AKAP6: variants seen among roughly 807,000 people sequenced by gnomAD.
AKAP6 encodes A-kinase anchoring protein 6.
AKAP6 carries 58 observed loss-of-function variants against 188.5 expected under a neutral mutation model. The observed-to-expected ratio is 0.31, with a 90% CI of 0.25 to 0.38. The LOEUF (loss-of-function observed/expected upper bound fraction) is 0.38. AKAP6 is among the 10% of genes least tolerant of loss of function. The pLI is 1.00. For missense variants in AKAP6, 2,710 were observed against 2,740.0 expected (o/e 0.99, Z 0.24); for synonymous variants, 989 against 998.6 (o/e 0.99, Z 0.18).
At position 32,448,962 on chromosome 14, in the gene AKAP6, A is replaced by G. The variant is rs551381379; in HGVS notation, c.324+15145A>G. ...TTGATTCTACAATGTTTAGTAAAAG[A>G]TAGATACCTGGATTCTTGTTTGCAT... On this transcript the variant is annotated intron_variant, in intron 2 of 13. Transcript: ENST00000280979. Among the ~76,000 whole-genome samples the G allele has an allele frequency of 2.6e-5, 4 of 152,312 alleles. No individual in the cohort carries two copies. In the East Asian group the frequency reaches 5.8e-4, roughly 22 times the overall value.
At chr14:32,731,466 C>T (rs146964385) in intron 9 of AKAP6, among the ~76,000 whole-genome samples, 89 of 152,114 alleles carry the variant, frequency 5.9e-4, no homozygotes, top group African/African-American at 1.3e-3. Flanking sequence ...CTTAGGGCAC[C>T]GTTGGTCATG....
At chr14:32,521,476 A>G (rs2139060981) in intron 2 of AKAP6, among the ~76,000 whole-genome samples, 2 of 152,368 alleles carry the variant, frequency 1.3e-5, no homozygotes, top group Middle Eastern at 3.4e-3. Context: ...GCTGATAAGC[A>G]ACTTCAGCAA....
intron 11 of AKAP6, among the ~76,000 whole-genome samples, chr14:32,742,640 G>T (rs1221368171): frequency 6.6e-6 from 1 of 151,878 alleles, no homozygotes. Flanking sequence ...GGTCATTCAG[G>T]AGTGTATTGT....
chr14:32,612,529 AT>A (rs1215014969), intron 7 of AKAP6, among the ~76,000 whole-genome samples: 2 of 151,810 alleles, frequency 1.3e-5, no homozygotes, highest in Admixed American at 6.6e-5. Flanking sequence ...CTTCTCTCCC[AT>A]TTTCTTTGCC....
At position 32,824,285 on chromosome 14, in the gene AKAP6, G is replaced by A; in HGVS notation, c.6472G>A (p.Ala2158Thr). The change falls in exon 13 of 14, where the codon GCC (alanine) becomes ACC (threonine). Residue 2158 changes from alanine to threonine, a missense_variant. Physicochemically the swap from Ala to Thr is moderately conservative, Grantham distance 58. Transcript: ENST00000280979. ...GGAAGATATTGAATGCTTTTTTGAG[G>A]CCTGTGTTGAGGGTGACTCTGATGG... The part of the protein sequence containing the change: ...DKEDIECFFE[A>T]CVEGDSDGEE... 1 of 1,613,828 alleles carries A rather than the reference G, an allele frequency of 6.2e-7. No individual in the cohort carries two copies. Among genetic ancestry groups the A allele is most frequent in the East Asian group, 2.2e-5 (1 of 44,866 alleles).
chr14:32,334,671 G>C (rs1886633702), intron 1 of AKAP6, among the ~76,000 whole-genome samples: 1 of 152,162 alleles, frequency 6.6e-6, no homozygotes, highest in African/African-American at 2.4e-5. Context: ...GGGGGTCTTG[G>C]AACATATTCC....
intron 12 of AKAP6, among the ~76,000 whole-genome samples, chr14:32,782,203 GAGGGAGGA>G (rs1187135845): frequency 1.3e-4 from 18 of 134,912 alleles, no homozygotes; most frequent in African/African-American, 4.6e-4. Flanking sequence ...GGGAGGGAGG[GAGGGAGGA>G]AGGGAAAGAA....
At chr14:32,674,247 A>T (rs1315862672) in intron 7 of AKAP6, among the ~76,000 whole-genome samples, 1 of 152,198 alleles carries the variant, frequency 6.6e-6, no homozygotes, top group Admixed American at 6.5e-5. Context: ...GTCAGCAGGA[A>T]CCAAATATCC....
chr14:32,510,416 A>ATATATATG (rs1881150620), intron 2 of AKAP6, among the ~76,000 whole-genome samples: 1 of 49,364 alleles, frequency 2.0e-5, no homozygotes, highest in Non-Finnish European at 4.2e-5. Flanking sequence ...ATATATATGT[A>ATATATATG]TATATATACA....
chr14:32,522,780 G>T lies in AKAP6; in HGVS notation c.325-12774G>T, dbSNP rs1881911439. Among the ~76,000 whole-genome samples the T allele has an allele frequency of 2.0e-5, 3 of 152,164 alleles. No homozygotes were observed. In the South Asian group the frequency reaches 6.2e-4, roughly 32 times the overall value. ...GTTCAACCGTTGTGGAAGACAGTGT[G>T]GCGATTCCTCGGGGATCTAGAACTA... On this transcript the variant is annotated intron_variant, in intron 2 of 13. Transcript: ENST00000280979.
At chr14:32,414,607 A>G (rs1271146513) in intron 1 of AKAP6, among the ~76,000 whole-genome samples, 1 of 152,156 alleles carries the variant, frequency 6.6e-6, no homozygotes, top group African/African-American at 2.4e-5. Flanking sequence ...TTTTGTTTGC[A>G]TTTGAATGGG....
At chr14:32,445,294 C>A (rs1305366845) in intron 2 of AKAP6, among the ~76,000 whole-genome samples, 1 of 152,102 alleles carries the variant, frequency 6.6e-6, no homozygotes, top group Non-Finnish European at 1.5e-5. Context: ...TGTACGTACT[C>A]TGAATGATAG....
At chr14:32,605,108 G>A (rs568271608) in intron 7 of AKAP6, among the ~76,000 whole-genome samples, 4 of 151,008 alleles carry the variant, frequency 2.6e-5, no homozygotes, top group Non-Finnish European at 5.9e-5. Flanking sequence ...GTTTGCTGAG[G>A]ATAATGGACA....
Position 32,354,826 on chromosome 14 carries a change from G to A in AKAP6, c.-35+25418G>A, listed in dbSNP as rs575609226. On this transcript the variant is annotated intron_variant, in intron 1 of 13. Transcript: ENST00000280979. ...CAGTAGGACCTCCTGAAGTGGACATGTGCTTCTGTTTGCCTAGTGTCCTTT... is the reference window on the plus strand; with the variant it reads ...CAGTAGGACCTCCTGAAGTGGACATATGCTTCTGTTTGCCTAGTGTCCTTT... Among the ~76,000 whole-genome samples the A allele has an allele frequency of 5.9e-5, 9 of 151,860 alleles. No individual in the cohort carries two copies. The South Asian group carries it at 1.5e-3, about 25-fold the overall frequency.
chr14:32,358,200 C>T (rs73256770), intron 1 of AKAP6, among the ~76,000 whole-genome samples: 2,771 of 152,254 alleles, frequency 0.018, 88 homozygotes, highest in African/African-American at 0.064. Context: ...TATACCTTCC[C>T]CTCTCAACTT....
At chr14:32,608,138 G>GA (rs1463864605) in intron 7 of AKAP6, among the ~76,000 whole-genome samples, 4 of 152,048 alleles carry the variant, frequency 2.6e-5, no homozygotes, top group Admixed American at 6.6e-5. Flanking sequence ...TGAGATGACT[G>GA]AAAAAAATGG....
chr14:32,696,976 G>A (rs1890429817), intron 9 of AKAP6, among the ~76,000 whole-genome samples: 1 of 152,046 alleles, frequency 6.6e-6, no homozygotes, highest in Non-Finnish European at 1.5e-5. Flanking sequence ...ATATTTCAAA[G>A]AGCAGATTGT....
chr14:32,343,226 C>CAAGG (rs201728642), intron 1 of AKAP6, among the ~76,000 whole-genome samples: 34,013 of 144,102 alleles, frequency 0.24, 4,308 homozygotes, highest in African/African-American at 0.37. Flanking sequence ...CCTTCCTTGT[C>CAAGG]AAGTATACCT....
At chr14:32,529,486 G>T (rs931517889) in intron 2 of AKAP6, among the ~76,000 whole-genome samples, 1 of 152,030 alleles carries the variant, frequency 6.6e-6, no homozygotes, top group African/African-American at 2.4e-5. Context: ...TATTGCAATA[G>T]CTAGGACTTC....
Sources: gnomAD v4.1 joint callset for allele counts (sites outside exome capture counted in the v4.1 genomes callset) on GRCh38, gnomAD v4.1.1 for gene constraint, MANE v1.5 for transcripts, NCBI Gene and HGNC (gene_info 2026-07-23, HGNC 2026-07-21) for gene names.